C1D: variants seen among roughly 807,000 people sequenced by gnomAD.
C1D encodes the protein C1D nuclear receptor corepressor.
A neutral mutation model predicts 17.5 loss-of-function variants in C1D; 10 were observed. The observed-to-expected ratio is 0.57, with a 90% CI of 0.35 to 0.97. The LOEUF (loss-of-function observed/expected upper bound fraction) is 0.97. Among genes scored for constraint, C1D ranks in the 50% least tolerant of loss-of-function variants. The probability of loss-of-function intolerance (pLI) is 0.01; values close to 1 mark genes in which losing one functional copy is unlikely to be tolerated. For missense variants in C1D, 136 were observed against 160.1 expected (o/e 0.85, Z 0.81); for synonymous variants, 49 against 54.0 (o/e 0.91, Z 0.40).
At chr2:68,049,599 C>T (rs370494862) in intron 1 of C1D, among the ~76,000 whole-genome samples, 53 of 152,086 alleles carry the variant, frequency 3.5e-4, no homozygotes, top group African/African-American at 1.2e-3. Flanking sequence ...CAAAGAGGTT[C>T]TAGTCCTAGA....
At chr2:68,044,381 T>C (rs182969155) in intron 4 of C1D, among the ~76,000 whole-genome samples, 63 of 152,346 alleles carry the variant, frequency 4.1e-4, no homozygotes, top group African/African-American at 1.4e-3. Flanking sequence ...CAAATAAGTT[T>C]CCTATCATAC....
chr2:68,046,548 C>T, intron 2 of C1D, 138 bp from the exon 3 acceptor site: 1 of 569,420 alleles, frequency 1.8e-6, no homozygotes, highest in Non-Finnish European at 3.1e-6. Context: ...TCATATAATC[C>T]AATAACCAAA....
In C1D at chr2:68,045,995, T is replaced by C. The variant is rs1381152237; in HGVS notation, c.254A>G (p.Gln85Arg). ...GVNPKEHPVK[Q>R]ELERIRVYMN... ...AAGAAATTAAAATCTTACCAATTCCTGTTTTACTGGATGTTCCTTAGGATT... is the reference window on the plus strand; with the variant it reads ...AAGAAATTAAAATCTTACCAATTCCCGTTTTACTGGATGTTCCTTAGGATT... The change falls in exon 4 of 5, where the codon CAG (glutamine) becomes CGG (arginine). Residue 85 changes from glutamine to arginine, a missense_variant. By Grantham distance (43) the Gln-to-Arg change is conservative. Coordinates refer to ENST00000410067, the MANE Select transcript of C1D (RefSeq NM_173177.3). 12 of 1,585,414 alleles carry C rather than the reference T, an allele frequency of 7.6e-6. No homozygotes were observed. The highest frequency in any genetic ancestry group is 1.0e-5 in the Non-Finnish European group (12 of 1,164,816).
intron 1 of C1D, among the ~76,000 whole-genome samples, chr2:68,053,807 T>C (rs1209315933): frequency 6.6e-6 from 1 of 152,210 alleles, no homozygotes; most frequent in Non-Finnish European, 1.5e-5. Flanking sequence ...ACTCTCAACT[T>C]TCACCTGTGT....
chr2:68,059,236 C>G (rs1671546734), intron 1 of C1D, among the ~76,000 whole-genome samples: 1 of 152,188 alleles, frequency 6.6e-6, no homozygotes, highest in African/African-American at 2.4e-5. Context: ...GAACTCAACT[C>G]ATTACCTCAA....
intron 1 of C1D, among the ~76,000 whole-genome samples, chr2:68,058,505 G>C (rs756505373): frequency 6.6e-5 from 10 of 152,148 alleles, no homozygotes; most frequent in African/African-American, 1.9e-4. Flanking sequence ...ACAACTCTAC[G>C]ACTGGGCACT....
chr2:68,057,247 G>T (rs1043471549), intron 1 of C1D, among the ~76,000 whole-genome samples: 1 of 151,992 alleles, frequency 6.6e-6, no homozygotes, highest in Non-Finnish European at 1.5e-5. Flanking sequence ...CCCCTACTGG[G>T]TTCAAGTGAT....
chr2:68,050,520 A>G (rs994549334), intron 1 of C1D, among the ~76,000 whole-genome samples: 4 of 152,138 alleles, frequency 2.6e-5, no homozygotes, highest in Admixed American at 1.3e-4. Flanking sequence ...TCAATGGTCA[A>G]TTCTCAGTTC....
intron 4 of C1D, among the ~76,000 whole-genome samples, chr2:68,044,533 C>T (rs1440648064): frequency 1.3e-5 from 2 of 151,922 alleles, no homozygotes; most frequent in East Asian, 3.9e-4. Flanking sequence ...ATGGTGAAAC[C>T]CCGTCTCTAC....
At chr2:68,057,027 T>C (rs1471789483) in intron 1 of C1D, among the ~76,000 whole-genome samples, 1 of 152,230 alleles carries the variant, frequency 6.6e-6, no homozygotes, top group Non-Finnish European at 1.5e-5. Context: ...GTTAAATAAA[T>C]TATGATATGC....
chr2:68,053,429 CA>C (rs2103808162), intron 1 of C1D: 2 of 450,196 alleles, frequency 4.4e-6, no homozygotes, highest in Non-Finnish European at 4.0e-6. Flanking sequence ...GGAGGCACCC[CA>C]AATCCAATCA....
chr2:68,056,530 T>C (rs1014733312), intron 1 of C1D, among the ~76,000 whole-genome samples: 7 of 151,940 alleles, frequency 4.6e-5, no homozygotes, highest in Non-Finnish European at 7.4e-5. Context: ...AAAAGACATA[T>C]GCAACACAAA....
intron 1 of C1D, among the ~76,000 whole-genome samples, chr2:68,052,613 G>A (rs575213558): frequency 6.6e-6 from 1 of 152,154 alleles, no homozygotes; most frequent in South Asian, 2.1e-4. Context: ...AACAGGTTAG[G>A]GTGAACACTG....
chr2:68,051,087 C>A (rs528305968), intron 1 of C1D, among the ~76,000 whole-genome samples: 10 of 152,356 alleles, frequency 6.6e-5, no homozygotes, highest in Middle Eastern at 3.4e-3. Flanking sequence ...TGAATGCCCT[C>A]CTAAATAGCC....
chr2:68,060,956 A>T (rs949684323), intron 1 of C1D, among the ~76,000 whole-genome samples: 1 of 152,186 alleles, frequency 6.6e-6, no homozygotes, highest in Non-Finnish European at 1.5e-5. Flanking sequence ...GTAATTTTGG[A>T]AACTCTTAAT....
At chr2:68,061,671 C>CA (rs1671633117) in intron 1 of C1D, among the ~76,000 whole-genome samples, 1 of 152,156 alleles carries the variant, frequency 6.6e-6, no homozygotes, top group African/African-American at 2.4e-5. Context: ...GCACTCAATA[C>CA]ATTAGATAGT....
rs1186364064 is a variant in C1D at position 68,047,180 on chromosome 2, A to G, written c.131T>C (p.Leu44Ser). Reference sequence around the variant, plus strand: ...ATTACATTTTTAAAATACCTTCTGCAACAACTCATTTCTAGAAACAGACAT... The same window carrying G: ...ATTACATTTTTAAAATACCTTCTGCGACAACTCATTTCTAGAAACAGACAT... Reference protein sequence around the residue: ...TMMSVSRNELLQKLDPLEQAK... With the variant: ...TMMSVSRNELSQKLDPLEQAK... The change falls in exon 2 of 5, where the codon TTG becomes TCG. Residue 44 changes from leucine (L) to serine (S), a missense_variant. Transcript: ENST00000410067. 1 of 1,602,002 alleles carries G rather than the reference A, an allele frequency of 6.2e-7. No homozygotes were observed. Among genetic ancestry groups the G allele is most frequent in the Non-Finnish European group, 8.5e-7 (1 of 1,177,018 alleles).
At chr2:68,051,129 A>C (rs1671268607) in intron 1 of C1D, among the ~76,000 whole-genome samples, 1 of 152,190 alleles carries the variant, frequency 6.6e-6, no homozygotes, top group Non-Finnish European at 1.5e-5. Flanking sequence ...TATTATCAAG[A>C]ATACAGAGAG....
chr2:68,045,626 A>T (rs1448330631), intron 4 of C1D, among the ~76,000 whole-genome samples: 1 of 152,128 alleles, frequency 6.6e-6, no homozygotes, highest in Non-Finnish European at 1.5e-5. Context: ...GGAGGGAGAA[A>T]CTTTCCCGTC....
Sources: allele counts gnomAD v4.1 joint callset (sites outside exome capture counted in the v4.1 genomes callset), GRCh38; gene constraint gnomAD v4.1.1; transcripts MANE v1.5; gene names NCBI Gene and HGNC (gene_info 2026-07-23, HGNC 2026-07-21).